FRMD4B: variants seen among roughly 807,000 people sequenced by gnomAD.
FRMD4B encodes FERM domain-containing protein 4B.
A neutral mutation model predicts 141.5 loss-of-function variants in FRMD4B; 74 were observed. The observed-to-expected ratio is 0.52, with a 90% confidence interval of 0.43 to 0.63. FRMD4B has a LOEUF of 0.63. FRMD4B is among the 30% of genes least tolerant of loss of function. FRMD4B has a pLI of 0.00. For missense variants in FRMD4B, 1,366 were observed against 1,253.4 expected (o/e 1.09, Z -1.36); for synonymous variants, 506 against 467.9 (o/e 1.08, Z -1.05).
At chr3:69,329,320 T>A (rs1168079914) in intron 1 of FRMD4B, among the ~76,000 whole-genome samples, 2 of 152,110 alleles carry the variant, frequency 1.3e-5, no homozygotes, top group Non-Finnish European at 2.9e-5. Flanking sequence ...GAGGCCAACA[T>A]AAAGGTGACT....
intron 1 of FRMD4B, among the ~76,000 whole-genome samples, chr3:69,376,459 T>C (rs1703973181): frequency 6.6e-6 from 1 of 152,066 alleles, no homozygotes; most frequent in Non-Finnish European, 1.5e-5. Context: ...TAATATCTAG[T>C]AGCTGTTACT....
At chr3:69,215,127 G>A (rs1231812032) in intron 11 of FRMD4B, among the ~76,000 whole-genome samples, 1 of 151,114 alleles carries the variant, frequency 6.6e-6, no homozygotes, top group African/African-American at 2.4e-5. Context: ...CAACCCACCC[G>A]ACTCAGCCTC....
chr3:69,462,358 T>G (rs115513200), intron 1 of FRMD4B, among the ~76,000 whole-genome samples: 2 of 152,184 alleles, frequency 1.3e-5, no homozygotes, highest in Non-Finnish European at 2.9e-5. Flanking sequence ...TCTCTTTCCC[T>G]GATGTCTGGC....
chr3:69,299,988 G>A (rs781340991), intron 4 of FRMD4B, among the ~76,000 whole-genome samples: 10 of 152,020 alleles, frequency 6.6e-5, no homozygotes, highest in Non-Finnish European at 1.0e-4. Context: ...TGCTATCTTT[G>A]GCTCTCTATT....
chr3:69,242,120 G>T (rs984316011), intron 7 of FRMD4B, among the ~76,000 whole-genome samples: 87 of 152,238 alleles, frequency 5.7e-4, no homozygotes, highest in African/African-American at 2.1e-3. Context: ...GGCAAATATT[G>T]TTTATTGAGA....
intron 7 of FRMD4B, among the ~76,000 whole-genome samples, chr3:69,245,351 G>GTTT (rs764318446): frequency 2.1e-4 from 30 of 139,622 alleles, no homozygotes; most frequent in African/African-American, 7.3e-4. Flanking sequence ...GTGTGTGTGT[G>GTTT]TGTTTTTAGA....
At chr3:69,395,585 T>G (rs1241397659) in intron 2 of FRMD4B, among the ~76,000 whole-genome samples, 1 of 152,192 alleles carries the variant, frequency 6.6e-6, no homozygotes, top group African/African-American at 2.4e-5. Context: ...TATTTGGCCC[T>G]TAGCAGTAAG....
intron 5 of FRMD4B, among the ~76,000 whole-genome samples, chr3:69,277,170 T>C (rs1453240948): frequency 6.6e-6 from 1 of 152,198 alleles, no homozygotes; most frequent in Non-Finnish European, 1.5e-5. Flanking sequence ...TCCACATTTA[T>C]TTAAAGTACA....
intron 1 of FRMD4B, among the ~76,000 whole-genome samples, chr3:69,328,722 G>A (rs1158199502): frequency 6.6e-6 from 1 of 152,170 alleles, no homozygotes; most frequent in African/African-American, 2.4e-5. Context: ...GCAATTGCAT[G>A]CTTTAAGACA....
intron 7 of FRMD4B, among the ~76,000 whole-genome samples, chr3:69,226,752 T>C (rs2093258321): frequency 6.6e-6 from 1 of 152,166 alleles, no homozygotes; most frequent in Non-Finnish European, 1.5e-5. Flanking sequence ...ACGAGTGTCA[T>C]ATGATGGAAC....
chr3:69,383,779 T>C lies in FRMD4B; in HGVS notation c.162+2049A>G, dbSNP rs186752871. On this transcript the variant is annotated intron_variant, in intron 1 of 22. Coordinates refer to ENST00000398540, the MANE Select transcript of FRMD4B (RefSeq NM_015123.3). ...CTCACTATGTTGCTCAGACTGGTCT[T>C]GAACTCCTGGGCTCAAGTGATCCTC... is the stretch of plus-strand genomic sequence containing the variant. 2.1e-3 allele frequency among the ~76,000 whole-genome samples: 313 copies of C among 152,220 alleles called. 1 individual carries two copies. The highest frequency in any genetic ancestry group is 7.3e-3 in the African/African-American group (303 of 41,540).
At chr3:69,494,754 T>A (rs1440837060) in intron 1 of FRMD4B, among the ~76,000 whole-genome samples, 1 of 152,122 alleles carries the variant, frequency 6.6e-6, no homozygotes, top group Non-Finnish European at 1.5e-5. Context: ...TAGCTGGGCA[T>A]GGTGGCGGGC....
intron 5 of FRMD4B, among the ~76,000 whole-genome samples, chr3:69,275,896 ATATT>A (rs1312369746): frequency 3.0e-4 from 45 of 152,346 alleles, no homozygotes; most frequent in African/African-American, 1.0e-3. Context: ...GAAATAATAA[ATATT>A]TATACTATGC....
At chr3:69,477,584 T>C (rs1706024829) in intron 1 of FRMD4B, among the ~76,000 whole-genome samples, 2 of 152,132 alleles carry the variant, frequency 1.3e-5, no homozygotes, top group Admixed American at 1.3e-4. Flanking sequence ...AGCTTTTTGA[T>C]GTGCTGCTAG....
chr3:69,255,231 T>A (rs927233528), intron 5 of FRMD4B, among the ~76,000 whole-genome samples: 2 of 152,238 alleles, frequency 1.3e-5, no homozygotes, highest in African/African-American at 4.8e-5. Flanking sequence ...GTCTGTAACT[T>A]ACTCTCAAGT....
At chr3:69,488,791 G>T (rs1055765965) in intron 1 of FRMD4B, among the ~76,000 whole-genome samples, 8 of 151,088 alleles carry the variant, frequency 5.3e-5, no homozygotes, top group African/African-American at 2.0e-4. Flanking sequence ...TACTCAGGAG[G>T]CTGAGGCAAG....
intron 1 of FRMD4B, among the ~76,000 whole-genome samples, chr3:69,456,814 GGCTAAATA>G (rs1705622934): frequency 6.6e-6 from 1 of 151,096 alleles, no homozygotes; most frequent in Non-Finnish European, 1.5e-5. Flanking sequence ...TTCCTGGACT[GGCTAAATA>G]AAGTTTTATT....
At chr3:69,223,235 G>T (rs1029761756) in intron 8 of FRMD4B, among the ~76,000 whole-genome samples, 2 of 152,066 alleles carry the variant, frequency 1.3e-5, no homozygotes, top group South Asian at 4.1e-4. Context: ...AACTATCAAG[G>T]CTGGGTGCAG....
intron 1 of FRMD4B, among the ~76,000 whole-genome samples, chr3:69,354,146 A>G (rs1703245029): frequency 6.6e-6 from 1 of 152,214 alleles, no homozygotes. Flanking sequence ...AACCTTAGTA[A>G]AATCAATCAG....
Sources: gnomAD v4.1 joint callset for allele counts (sites outside exome capture counted in the v4.1 genomes callset) on GRCh38, gnomAD v4.1.1 for gene constraint, MANE v1.5 for transcripts, NCBI Gene and HGNC (gene_info 2026-07-23, HGNC 2026-07-21) for gene names.